The following L3MBTL4 variants were observed in gnomAD, a reference collection of about 807,000 sequenced individuals.
L3MBTL4 encodes lethal(3)malignant brain tumor-like protein 4.
L3MBTL4 carries 70 observed loss-of-function variants against 84.5 expected under a neutral mutation model. The observed-to-expected ratio is 0.83, with a 90% CI of 0.68 to 1.01. L3MBTL4 has a LOEUF of 1.01. Among genes scored for constraint, L3MBTL4 ranks in the 50% least tolerant of loss-of-function variants. The pLI, the probability that L3MBTL4 is intolerant of heterozygous loss-of-function variation, is 0.00. For missense variants in L3MBTL4, 715 were observed against 754.8 expected (o/e 0.95, Z 0.62); for synonymous variants, 274 against 259.8 (o/e 1.05, Z -0.52).
intron 12 of L3MBTL4, among the ~76,000 whole-genome samples, chr18:6,174,239 A>C (rs1310722199): frequency 6.6e-6 from 1 of 152,136 alleles, no homozygotes; most frequent in Non-Finnish European, 1.5e-5. Context: ...GATGATTGTG[A>C]GCCATACTCA....
chr18:6,304,038 A>G (rs1030469782), intron 3 of L3MBTL4, among the ~76,000 whole-genome samples: 2 of 151,768 alleles, frequency 1.3e-5, no homozygotes, highest in African/African-American at 4.8e-5. Flanking sequence ...AACAAAAAAA[A>G]AAGACTGCAC....
At chr18:6,037,749 T>A (rs968807224) in intron 16 of L3MBTL4, among the ~76,000 whole-genome samples, 6 of 152,246 alleles carry the variant, frequency 3.9e-5, no homozygotes, top group Non-Finnish European at 7.3e-5. Context: ...GTAGCCTCTG[T>A]TAACACAGGC....
chr18:6,355,164 T>C (rs1444065594), intron 1 of L3MBTL4, among the ~76,000 whole-genome samples: 1 of 152,168 alleles, frequency 6.6e-6, no homozygotes, highest in East Asian at 1.9e-4. Flanking sequence ...CACTATGCTT[T>C]TTTATGTTTT....
chr18:6,147,444 T>A (rs960632228), intron 13 of L3MBTL4, among the ~76,000 whole-genome samples: 5 of 151,986 alleles, frequency 3.3e-5, no homozygotes, highest in African/African-American at 9.7e-5. Flanking sequence ...TCATATTTCA[T>A]AATACATAAA....
At chr18:5,978,234 C>T (rs628170) in intron 16 of L3MBTL4, among the ~76,000 whole-genome samples, 152,310 of 152,322 alleles carry the variant, frequency 1, 76,149 homozygotes, top group Middle Eastern at 1. Context: ...GAAATCTCAC[C>T]CACTCCTCAA....
At chr18:6,179,268 A>G (rs2044360878) in intron 12 of L3MBTL4, among the ~76,000 whole-genome samples, 1 of 152,210 alleles carries the variant, frequency 6.6e-6, no homozygotes, top group Admixed American at 6.5e-5. Flanking sequence ...TTGTAAGCGC[A>G]GACATGATGT....
chr18:6,077,081 A>G (rs910758743), intron 16 of L3MBTL4, among the ~76,000 whole-genome samples: 4 of 152,198 alleles, frequency 2.6e-5, no homozygotes, highest in African/African-American at 9.7e-5. Context: ...GCAAAGGAAC[A>G]ACTCAAAAGG....
chr18:6,076,472 T>G (rs1212818759), intron 16 of L3MBTL4, among the ~76,000 whole-genome samples: 2 of 152,158 alleles, frequency 1.3e-5, no homozygotes, highest in African/African-American at 4.8e-5. Flanking sequence ...AAGCTTGAGG[T>G]GAGCTTCTGG....
intron 1 of L3MBTL4, among the ~76,000 whole-genome samples, chr18:6,327,060 C>G (rs981374147): frequency 6.6e-6 from 1 of 152,116 alleles, no homozygotes; most frequent in South Asian, 2.1e-4. Context: ...CAGGGAAATG[C>G]GTATTAAATA....
At chr18:6,234,301 C>A (rs1442002153) in intron 10 of L3MBTL4, among the ~76,000 whole-genome samples, 3 of 152,056 alleles carry the variant, frequency 2.0e-5, no homozygotes, top group African/African-American at 7.3e-5. Context: ...GCAACAAAAG[C>A]CAAAATTGAC....
intron 16 of L3MBTL4, among the ~76,000 whole-genome samples, chr18:6,021,894 T>A (rs1467903774): frequency 6.6e-6 from 1 of 152,084 alleles, no homozygotes; most frequent in African/African-American, 2.4e-5. Context: ...TACCTCCTCC[T>A]CCTGCCACAA....
chr18:6,164,430 CG>C (rs1440554766), intron 13 of L3MBTL4, among the ~76,000 whole-genome samples: 1 of 152,234 alleles, frequency 6.6e-6, no homozygotes, highest in Non-Finnish European at 1.5e-5. Context: ...AGGCACCCCC[CG>C]CTAGGGGCAG....
intron 14 of L3MBTL4, among the ~76,000 whole-genome samples, chr18:6,113,008 A>G (rs1389862106): frequency 6.6e-6 from 1 of 152,184 alleles, no homozygotes; most frequent in Non-Finnish European, 1.5e-5. Flanking sequence ...TTTTTTCATT[A>G]GTGTTAATGA....
chr18:6,027,627 G>A (rs573607972), intron 16 of L3MBTL4, among the ~76,000 whole-genome samples: 13 of 152,274 alleles, frequency 8.5e-5, no homozygotes, highest in Non-Finnish European at 1.5e-4. Context: ...CTTCCACAAC[G>A]GTTGAACTAA....
chr18:6,096,350 G>A (rs550551453), intron 14 of L3MBTL4, among the ~76,000 whole-genome samples: 3 of 152,086 alleles, frequency 2.0e-5, no homozygotes, highest in Non-Finnish European at 2.9e-5. Context: ...TAGTAAGGAA[G>A]GCAAAATCAA....
At chr18:6,330,080 A>C (rs966137205) in intron 1 of L3MBTL4, among the ~76,000 whole-genome samples, 1 of 152,188 alleles carries the variant, frequency 6.6e-6, no homozygotes, top group Non-Finnish European at 1.5e-5. Context: ...GTATTTGAGT[A>C]ATTTCTAGCT....
intron 13 of L3MBTL4, among the ~76,000 whole-genome samples, chr18:6,167,841 A>G (rs572150331): frequency 2.5e-4 from 38 of 152,258 alleles, no homozygotes; most frequent in Non-Finnish European, 4.6e-4. Flanking sequence ...AATCAGGCAG[A>G]AGAAGGAAAT....
At chr18:6,253,736 T>C (rs1047486149) in intron 5 of L3MBTL4, among the ~76,000 whole-genome samples, 1 of 152,226 alleles carries the variant, frequency 6.6e-6, no homozygotes, top group African/African-American at 2.4e-5. Context: ...CTTCCAGGAA[T>C]CTTGCAATAA....
At chr18:6,390,235 C>T (rs2144507883) in intron 1 of L3MBTL4, among the ~76,000 whole-genome samples, 1 of 152,080 alleles carries the variant, frequency 6.6e-6, no homozygotes, top group African/African-American at 2.4e-5. Context: ...TGAATGATTT[C>T]TGAGTTAACA....
Sources: allele counts gnomAD v4.1 joint callset (sites outside exome capture counted in the v4.1 genomes callset), GRCh38; gene constraint gnomAD v4.1.1; transcripts MANE v1.5; gene names NCBI Gene and HGNC (gene_info 2026-07-23, HGNC 2026-07-21).